Variants in ZNF469 observed in about 807,000 individuals in gnomAD.
ZNF469 encodes zinc finger protein 469.
In ZNF469, 1 loss-of-function variant was observed where a neutral mutation model predicts 1.0. The ratio of observed to expected loss-of-function variants is 1.00; its 90% CI spans 0.35 to 4.73. The LOEUF (loss-of-function observed/expected upper bound fraction) is 4.73. ZNF469 is among the 30% of genes most tolerant of loss of function. The pLI, the probability that ZNF469 is intolerant of heterozygous loss-of-function variation, is 0.16. For synonymous variants in ZNF469, 2,703 were observed against 2,363.4 expected, an observed-to-expected ratio of 1.14 and a Z score of -4.17; for missense variants, 6,100 against 5,356.3, an observed-to-expected ratio of 1.14 and a Z score of -4.33.
At chr16:88,148,658 G>C in the ZNF469 span, among the ~76,000 whole-genome samples, 3 of 152,246 alleles carry the variant, frequency 2.0e-5, no homozygotes, top group South Asian at 4.1e-4. Context: ...CAGTGGATCC[G>C]GGCCTTGGAT....
the ZNF469 span, among the ~76,000 whole-genome samples, chr16:88,193,108 G>A: frequency 1.1e-3 from 17 of 14,882 alleles, no homozygotes; most frequent in East Asian, 0.01. Flanking sequence ...GTTGATGGTG[G>A]TGGTGGTGAT....
At chr16:88,239,688 TATATATATATATATATATATATATATA>T in the ZNF469 span, among the ~76,000 whole-genome samples, 13 of 5,200 alleles carry the variant, frequency 2.5e-3, no homozygotes, top group African/African-American at 8.7e-3. Context: ...TATATATATA[TATATATATATATATATATATATATATA>T]TTTTTTTTTT....
chr16:88,413,764 C>G (rs1597198772), intron 1 of ZNF469, among the ~76,000 whole-genome samples: 1 of 152,274 alleles, frequency 6.6e-6, no homozygotes, highest in East Asian at 1.9e-4. Flanking sequence ...GACATCCCAG[C>G]TCCTGGGCTC....
chr16:88,291,003 T>C, the ZNF469 span, among the ~76,000 whole-genome samples: 1 of 152,192 alleles, frequency 6.6e-6, no homozygotes, highest in Non-Finnish European at 1.5e-5. Context: ...GGGCAGCTCC[T>C]GCCACATGGG....
chr16:88,256,939 TTTCTTTCTTTCTTTTC>T, the ZNF469 span, among the ~76,000 whole-genome samples: 5 of 4,052 alleles, frequency 1.2e-3, no homozygotes, highest in Non-Finnish European at 2.6e-3. Flanking sequence ...TCTTTCTTTC[TTTCTTTCTTTCTTTTC>T]TTTTCTTTCG....
the ZNF469 span, among the ~76,000 whole-genome samples, chr16:88,251,554 T>G: frequency 1.1e-5 from 1 of 89,020 alleles, no homozygotes; most frequent in Non-Finnish European, 2.4e-5. Flanking sequence ...TTTTTTTTTT[T>G]TTTTTTTTTT....
chr16:88,429,422 C>G lies in ZNF469; in HGVS notation c.1952C>G (p.Pro651Arg). 1 of 1,545,502 alleles carries G rather than the reference C, an allele frequency of 6.5e-7. No homozygotes were observed. The highest frequency in any genetic ancestry group is 8.8e-7 in the Non-Finnish European group (1 of 1,142,778). Residue 651 changes from proline (P) to arginine (R), a missense_variant, in exon 3 of 3, where the codon CCG (proline) becomes CGG (arginine). Pro to Arg is a moderately radical substitution (Grantham distance 103, BLOSUM62 -2). Transcript: ENST00000565624. ...GAGACGGGCAGCCCCTTCCCGTCCCCGGAGCCCCCCCACTCCCTCCCCACC... is the reference window on the plus strand; with the variant it reads ...GAGACGGGCAGCCCCTTCCCGTCCCGGGAGCCCCCCCACTCCCTCCCCACC... ...PQETGSPFPS[P>R]EPPHSLPTHY...
chr16:88,246,621 C>G, the ZNF469 span, among the ~76,000 whole-genome samples: 1 of 152,196 alleles, frequency 6.6e-6, no homozygotes, highest in Non-Finnish European at 1.5e-5. Context: ...CAAAGTGAAG[C>G]CCAGGAATTT....
chr16:88,151,169 T>C, the ZNF469 span, among the ~76,000 whole-genome samples: 1 of 152,106 alleles, frequency 6.6e-6, no homozygotes, highest in East Asian at 1.9e-4. The surrounding 1 kb of genome is among the most constrained non-coding windows in gnomAD (Gnocchi z 5.4). Flanking sequence ...AAAGTCTTAT[T>C]CCTTTGAAAC....
intron 1 of ZNF469, among the ~76,000 whole-genome samples, chr16:88,407,529 T>C (rs1405778455): frequency 6.6e-6 from 1 of 152,250 alleles, no homozygotes; most frequent in Non-Finnish European, 1.5e-5. Context: ...GCCGTGTGCA[T>C]CCGACGTCTG....
chr16:88,273,512 G>A, the ZNF469 span, among the ~76,000 whole-genome samples: 2 of 152,140 alleles, frequency 1.3e-5, no homozygotes, highest in African/African-American at 4.8e-5. Flanking sequence ...ACATGTGTTG[G>A]CAAGGACGTA....
chr16:88,327,421 A>G, the ZNF469 span, among the ~76,000 whole-genome samples: 1 of 152,174 alleles, frequency 6.6e-6, no homozygotes, highest in African/African-American at 2.4e-5. Context: ...TGCAGGCCAC[A>G]TCCTGTGAAG....
chr16:88,117,563 C>A, the ZNF469 span, among the ~76,000 whole-genome samples: 2 of 152,148 alleles, frequency 1.3e-5, no homozygotes, highest in Non-Finnish European at 2.9e-5. Flanking sequence ...GGAAGTGTCA[C>A]GTGCCTTCAC....
the ZNF469 span, among the ~76,000 whole-genome samples, chr16:88,313,634 T>G: frequency 6.6e-6 from 1 of 151,942 alleles, no homozygotes; most frequent in African/African-American, 2.4e-5. Context: ...GGACTGTCTG[T>G]GTGATTATGA....
At chr16:88,283,663 C>G in the ZNF469 span, among the ~76,000 whole-genome samples, 5 of 152,230 alleles carry the variant, frequency 3.3e-5, no homozygotes, top group African/African-American at 1.2e-4. Flanking sequence ...TCATGATTCT[C>G]TGGGGTGTGA....
chr16:88,238,070 G>A, the ZNF469 span, among the ~76,000 whole-genome samples: 66 of 152,322 alleles, frequency 4.3e-4, 2 homozygotes, highest in East Asian at 9.5e-3. Flanking sequence ...ACCTATGAAG[G>A]TATCTTGGTT....
chr16:88,216,559 G>A, the ZNF469 span, among the ~76,000 whole-genome samples: 1 of 151,946 alleles, frequency 6.6e-6, no homozygotes, highest in Non-Finnish European at 1.5e-5. Context: ...TGAGAAGTTG[G>A]CTGTCAGTCT....
At chr16:88,169,680 G>A in the ZNF469 span, among the ~76,000 whole-genome samples, 2 of 152,302 alleles carry the variant, frequency 1.3e-5, no homozygotes, top group Middle Eastern at 3.4e-3. This position sits in a 1 kb window ranked among gnomAD's most constrained non-coding sequence, Gnocchi z 6.1. Flanking sequence ...CGCCCAGGTC[G>A]GCCTTCGTGC....
At chr16:88,159,263 C>T in the ZNF469 span, among the ~76,000 whole-genome samples, 2 of 151,750 alleles carry the variant, frequency 1.3e-5, no homozygotes, top group African/African-American at 2.4e-5. Context: ...TCCCCTACAC[C>T]CTTGGTTTCC....
Sources: gnomAD v4.1 joint callset for allele counts (sites outside exome capture counted in the v4.1 genomes callset) on GRCh38, gnomAD v4.1.1 for gene constraint, Gnocchi (gnomAD v3.1) non-coding constraint, MANE v1.5 for transcripts, NCBI Gene and HGNC (gene_info 2026-07-23, HGNC 2026-07-21) for gene names.